WDR33: variants seen among roughly 807,000 people sequenced by gnomAD.
WDR33 encodes the protein pre-mRNA 3' end processing protein WDR33.
Under a neutral mutation model 164.9 loss-of-function variants are expected in WDR33, and 47 were observed. The ratio of observed to expected loss-of-function variants is 0.29; its 90% CI spans 0.23 to 0.36. The LOEUF (loss-of-function observed/expected upper bound fraction) is 0.36. Among genes scored for constraint, WDR33 ranks in the 10% least tolerant of loss-of-function variants. WDR33 has a pLI of 1.00. For missense variants in WDR33, 1,137 were observed against 1,754.1 expected (o/e 0.65, Z 6.28); for synonymous variants, 505 against 589.0 (o/e 0.86, Z 2.06).
intron 7 of WDR33, among the ~76,000 whole-genome samples, chr2:127,731,106 G>A (rs1686694239): frequency 6.6e-6 from 1 of 151,834 alleles, no homozygotes; most frequent in African/African-American, 2.4e-5. Context: ...ACCAGCCTGG[G>A]AAACATAGTG....
chr2:127,798,138 C>G lies in WDR33; in HGVS notation c.-24+12874G>C, dbSNP rs1190329352. On this transcript the variant is annotated intron_variant, in intron 1 of 21. Transcript: ENST00000322313. ...ATCCCAGCACTCTGGGAGGCCGAGGCAGGTGGATCACCTGAGATCAGGAGT... is the reference window on the plus strand; with the variant it reads ...ATCCCAGCACTCTGGGAGGCCGAGGGAGGTGGATCACCTGAGATCAGGAGT... Among the ~76,000 whole-genome samples, 3 of 151,394 alleles carry G rather than the reference C, an allele frequency of 2.0e-5. No homozygotes were observed. In the South Asian group the frequency reaches 6.3e-4, roughly 32 times the overall value.
chr2:127,748,322 C>T (rs777114798), intron 7 of WDR33, among the ~76,000 whole-genome samples: 19 of 152,328 alleles, frequency 1.2e-4, no homozygotes, highest in South Asian at 8.3e-4. Context: ...TGCTCTATGA[C>T]AGGTGTACTC....
chr2:127,737,587 T>TA lies in WDR33; in HGVS notation c.725-10811dup, dbSNP rs1232747451. ...CAAGACTATTAGAAAGGCCAGTACC[T>TA]ACACTACGTTAATAATAGATGTATT... On this transcript the variant is annotated intron_variant, in intron 7 of 21. Transcript: ENST00000322313. 4 of 994,202 alleles carry TA rather than the reference T, an allele frequency of 4.0e-6. No individual in the cohort carries two copies. In the African/African-American group the frequency reaches 7.0e-5, roughly 17 times the overall value. 61.6% of individuals were successfully genotyped at this position (994,202 alleles called of 1,614,324 possible).
chr2:127,731,314 A>C (rs943296209), intron 7 of WDR33, among the ~76,000 whole-genome samples: 50 of 151,618 alleles, frequency 3.3e-4, no homozygotes, highest in African/African-American at 1.2e-3. Context: ...AAAAAAAAAA[A>C]AAAACACAGA....
chr2:127,763,238 A>G lies in WDR33; in HGVS notation c.627-79T>C, dbSNP rs896707403. The G allele has an allele frequency of 6.8e-6, 11 of 1,606,762 alleles. No homozygotes were observed. The highest frequency in any genetic ancestry group is 1.1e-5 in the South Asian group (1 of 90,378). Reference sequence around the variant, plus strand: ...CTGTGCTTCTCAGACAGGGAAAAATAAAAACACTGTGCTGCATTATAAACA... The same window carrying G: ...CTGTGCTTCTCAGACAGGGAAAAATGAAAACACTGTGCTGCATTATAAACA... On this transcript the variant is annotated intron_variant, in intron 6 of 21. Transcript: ENST00000322313. The surrounding 1 kb of genome is among the most constrained non-coding windows in gnomAD (Gnocchi z 4.5).
Position 127,708,919 on chromosome 2 carries a change from A to G in WDR33, c.3566-27T>C. ...TGAAACAAGAAACAAATCTCCTTAC[A>G]GGAAAGCACAGTGTGACCAGAAGTA... On this transcript the variant is annotated intron_variant, in intron 20 of 21. Coordinates refer to ENST00000322313, the MANE Select transcript of WDR33 (RefSeq NM_018383.5). The surrounding 1 kb of genome is among the most constrained non-coding windows in gnomAD (Gnocchi z 6.7). 2 of 1,526,560 alleles carry G rather than the reference A, an allele frequency of 1.3e-6. No individual in the cohort carries two copies. Among genetic ancestry groups the G allele is most frequent in the Non-Finnish European group, 1.8e-6 (2 of 1,132,142 alleles). The allele number at this position is 1,526,560 out of a possible 1,614,324, so 94.6% of individuals were successfully genotyped here.
In WDR33 at chr2:127,706,606, G is replaced by A; in HGVS notation, c.3782-54C>T. ...TTTTTGTATTAGCAACTGTTTGTCA[G>A]TAACTCCCAGTACAAACTTTACTCT... is the stretch of plus-strand genomic sequence containing the variant. On this transcript the variant is annotated intron_variant, in intron 21 of 21. Transcript: ENST00000322313. The surrounding 1 kb of genome is among the most constrained non-coding windows in gnomAD (Gnocchi z 5.1). 1 of 1,485,168 alleles carries A rather than the reference G, an allele frequency of 6.7e-7. No individual in the cohort carries two copies. Among genetic ancestry groups the A allele is most frequent in the Non-Finnish European group, 9.2e-7 (1 of 1,087,720 alleles). 92.0% of individuals were successfully genotyped at this position (1,485,168 alleles called of 1,614,324 possible). A position where few individuals can be genotyped will look rare whatever the true frequency, so the allele number is the denominator to read the frequency against.
chr2:127,724,871 CATAA>C lies in WDR33; in HGVS notation c.1085+12_1085+15del. The C allele has an allele frequency of 6.2e-7, 1 of 1,613,838 alleles. No homozygotes were observed. The highest frequency in any genetic ancestry group is 8.5e-7 in the Non-Finnish European group (1 of 1,179,768). Reference sequence around the variant, plus strand: ...CTTCACAAAATACACTACTTTTTCACATAAATCTTACATACCCAACATGCCAGAA... The same window carrying C: ...CTTCACAAAATACACTACTTTTTCACATCTTACATACCCAACATGCCAGAA... On this transcript the variant is annotated intron_variant, in intron 10 of 21. Coordinates refer to ENST00000322313, the MANE Select transcript of WDR33 (RefSeq NM_018383.5). The surrounding 1 kb of genome is among the most constrained non-coding windows in gnomAD (Gnocchi z 4.8).
rs530011021 is a variant in WDR33 at position 127,714,564 on chromosome 2, T to C, written c.2870-543A>G. Among the ~76,000 whole-genome samples the C allele has an allele frequency of 5.9e-4, 90 of 152,328 alleles. No homozygotes were observed. Among genetic ancestry groups the C allele is most frequent in the African/African-American group, 2.1e-3 (86 of 41,570 alleles). ...TGCAATCACCAGCCTCTCAAATACC[T>C]GCCTGATGACCAAACAGCCCTGCTG... On this transcript the variant is annotated intron_variant, in intron 17 of 21. Coordinates refer to ENST00000322313, the MANE Select transcript of WDR33 (RefSeq NM_018383.5). This position sits in a 1 kb window ranked among gnomAD's most constrained non-coding sequence, Gnocchi z 4.3.
intron 7 of WDR33, chr2:127,736,694 C>A (rs748038986): frequency 1.0e-6 from 1 of 985,374 alleles, no homozygotes; most frequent in Non-Finnish European, 1.2e-6. Context: ...AAAATTAGTG[C>A]CGTGTAACTT....
intron 7 of WDR33, among the ~76,000 whole-genome samples, chr2:127,756,104 C>T (rs1436968668): frequency 3.3e-5 from 5 of 151,998 alleles, no homozygotes; most frequent in Admixed American, 2.0e-4. Context: ...GAGGCTGAGA[C>T]GAGCGGATCA....
At position 127,704,225 on chromosome 2, in the gene WDR33, A is replaced by C. The variant is rs922219934; in HGVS notation, c.*2098T>G. 1 of 166,696 alleles carries C rather than the reference A, an allele frequency of 6.0e-6. No homozygotes were observed. The highest frequency in any genetic ancestry group is 2.4e-5 in the African/African-American group (1 of 41,312). 10.3% of individuals were successfully genotyped at this position (166,696 alleles called of 1,614,324 possible). On this transcript the variant is annotated 3_prime_UTR_variant, in exon 22 of 22. Transcript: ENST00000322313. ...TGACAGTGATGTTTTTAAATGCCATATATATTTAATAAGTATAATGTAGAG... is the reference window on the plus strand; with the variant it reads ...TGACAGTGATGTTTTTAAATGCCATCTATATTTAATAAGTATAATGTAGAG...
intron 7 of WDR33, among the ~76,000 whole-genome samples, chr2:127,731,118 G>A (rs1241004805): frequency 6.6e-6 from 1 of 151,680 alleles, no homozygotes; most frequent in Admixed American, 6.6e-5. Flanking sequence ...AACATAGTGA[G>A]ATGCCATTTT....
intron 7 of WDR33, among the ~76,000 whole-genome samples, chr2:127,745,300 A>G (rs1336218542): frequency 1.3e-5 from 2 of 152,166 alleles, no homozygotes; most frequent in African/African-American, 4.8e-5. Context: ...GGTTAATCAG[A>G]TATCTGCAGC....
In WDR33 at chr2:127,723,751, ACTCTGT is replaced by A. The variant is rs1017296475; in HGVS notation, c.1197-410_1197-405del. ...ACTCTAGTCTCGGTGACAGAGTGAG[ACTCTGT>A]CTCTTAAAATAATAATAAAAATAAA... is the stretch of plus-strand genomic sequence containing the variant. On this transcript the variant is annotated intron_variant, in intron 11 of 21. Transcript: ENST00000322313. The surrounding 1 kb of genome is among the most constrained non-coding windows in gnomAD (Gnocchi z 5.9). Among the ~76,000 whole-genome samples the A allele has an allele frequency of 6.7e-6, 1 of 149,994 alleles. No individual in the cohort carries two copies. The highest frequency in any genetic ancestry group is 2.5e-5 in the African/African-American group (1 of 40,566).
rs1686301611 is a variant in WDR33, at chr2:127,716,400, C to T, written c.2869+755G>A. Among the ~76,000 whole-genome samples, 1 of 152,156 alleles carries T rather than the reference C, an allele frequency of 6.6e-6. No individual in the cohort carries two copies. Among genetic ancestry groups the T allele is most frequent in the African/African-American group, 2.4e-5 (1 of 41,422 alleles). On this transcript the variant is annotated intron_variant, in intron 17 of 21. Transcript: ENST00000322313. The surrounding 1 kb of genome is among the most constrained non-coding windows in gnomAD (Gnocchi z 4.5). ...CTCCTGATTCTCCGAGTTGTGGTTTCTCCCCGTTATGAAAGTGTGTGTCGA... is the reference window on the plus strand; with the variant it reads ...CTCCTGATTCTCCGAGTTGTGGTTTTTCCCCGTTATGAAAGTGTGTGTCGA...
Position 127,701,369 on chromosome 2 carries a change from C to G in WDR33, c.*4954G>C. ...CTGCGACCACGGTACTTGGGGACACCACAAAAGTCCGCAGAGCAGGCACCG... is the reference window on the plus strand; with the variant it reads ...CTGCGACCACGGTACTTGGGGACACGACAAAAGTCCGCAGAGCAGGCACCG... On this transcript the variant is annotated 3_prime_UTR_variant, in exon 22 of 22. Transcript: ENST00000322313. 1 of 654,588 alleles carries G rather than the reference C, an allele frequency of 1.5e-6. No homozygotes were observed. Among genetic ancestry groups the G allele is most frequent in the Non-Finnish European group, 2.1e-6 (1 of 465,732 alleles). 40.5% of individuals were successfully genotyped at this position (654,588 alleles called of 1,614,324 possible).
intron 1 of WDR33, among the ~76,000 whole-genome samples, chr2:127,810,593 C>T (rs1481347152): frequency 2.0e-5 from 3 of 152,212 alleles, no homozygotes; most frequent in Non-Finnish European, 4.4e-5. Flanking sequence ...AACATCACGG[C>T]TAAGTCTTCA....
chr2:127,746,788 A>G lies in WDR33; in HGVS notation c.724+16274T>C, dbSNP rs117854846. Among the ~76,000 whole-genome samples, 510 of 152,348 alleles carry G rather than the reference A, an allele frequency of 3.3e-3. 3 individuals carry two copies. The highest frequency in any genetic ancestry group is 0.029 in the East Asian group (153 of 5,188). On this transcript the variant is annotated intron_variant, in intron 7 of 21. Transcript: ENST00000322313. ...CAACATTAATAATTTCTTCTTTGTC[A>G]CTTAACCACTGTAAACAGTAATTAC...
Sources: allele counts gnomAD v4.1 joint callset (sites outside exome capture counted in the v4.1 genomes callset), GRCh38; gene constraint gnomAD v4.1.1; non-coding constraint Gnocchi (gnomAD v3.1); transcripts MANE v1.5; gene names NCBI Gene and HGNC (gene_info 2026-07-23, HGNC 2026-07-21).